Variants in TLN1 observed in about 807,000 individuals in gnomAD.
TLN1 encodes the protein talin-1.
A neutral mutation model predicts 292.3 loss-of-function variants in TLN1; 56 were observed. That is an observed-to-expected ratio of 0.19 (90% CI 0.15 to 0.24). The LOEUF (loss-of-function observed/expected upper bound fraction) is 0.24. Among genes scored for constraint, TLN1 ranks in the 10% least tolerant of loss-of-function variants. The pLI is 1.00. For missense variants in TLN1, 2,433 were observed against 3,248.2 expected (o/e 0.75, Z 6.10); for synonymous variants, 1,119 against 1,253.7 (o/e 0.89, Z 2.27).
Position 35,700,354 on chromosome 9 carries a change from G to C in TLN1, c.6497C>G (p.Pro2166Arg). The C allele has an allele frequency of 6.2e-7, 1 of 1,602,132 alleles. No individual in the cohort carries two copies. Among genetic ancestry groups the C allele is most frequent in the Non-Finnish European group, 8.5e-7 (1 of 1,170,186 alleles). The change falls in exon 49 of 57, where the codon CCT becomes CGT. Residue 2166 changes from proline (P) to arginine (R), a missense_variant. Physicochemically the swap from Pro to Arg is moderately radical, Grantham distance 103. Around this residue, in one of 7 missense-constraint regions of TLN1, gnomAD observed 1,384 missense variants for 1,699.6 expected, o/e 0.81. Coordinates refer to ENST00000314888, the MANE Select transcript of TLN1 (RefSeq NM_006289.4). ...ELAVFCSPEP[P>R]AKTSTPEDFI... ...GTCTTCTGGGGTAGAGGTCTTGGCA[G>C]GTGGCTCTGGGGAACAGAAAACCTG...
chr9:35,717,830 G>T lies in TLN1; in HGVS notation c.1996-44C>A. 1 of 1,571,302 alleles carries T rather than the reference G, an allele frequency of 6.4e-7. No homozygotes were observed. Among genetic ancestry groups the T allele is most frequent in the Non-Finnish European group, 8.7e-7 (1 of 1,151,484 alleles). On this transcript the variant is annotated intron_variant, in intron 17 of 56. Coordinates refer to ENST00000314888, the MANE Select transcript of TLN1 (RefSeq NM_006289.4). The surrounding 1 kb of genome is among the most constrained non-coding windows in gnomAD (Gnocchi z 4.7). Reference sequence around the variant, plus strand: ...TAGCATGACCTGAGATTGGGCTTGGGATTCACAGACACTTCTCAGAGGCGT... The same window carrying T: ...TAGCATGACCTGAGATTGGGCTTGGTATTCACAGACACTTCTCAGAGGCGT...
chr9:35,712,934 C>T lies in TLN1; in HGVS notation c.3462G>A (p.Thr1154=), dbSNP rs148339706. 1.9e-3 allele frequency: 3,090 copies of T among 1,609,312 alleles called. 12 individuals carry two copies. The Middle Eastern group carries it at 0.02, about 10-fold the overall frequency. ...DPAVQAIVLD[T]ASDVLDKASS... is the part of the protein sequence containing the mutation. ...TGGCCTTGTCCAGCACATCACTGGC[C>T]GTATCAAGTACAATGGCCTGCACTG... The change falls in exon 27 of 57, where the codon ACG becomes ACA. Residue 1154 remains threonine (T), a synonymous_variant. Coordinates refer to ENST00000314888, the MANE Select transcript of TLN1 (RefSeq NM_006289.4).
intron 48 of TLN1, among the ~76,000 whole-genome samples, chr9:35,702,969 T>A (rs1825492541): frequency 1.3e-5 from 2 of 152,124 alleles, no homozygotes; most frequent in African/African-American, 4.8e-5. Flanking sequence ...AATACAGTTG[T>A]CACATGCTAA....
At position 35,712,301 on chromosome 9, in the gene TLN1, A is replaced by C. The variant is rs535173849; in HGVS notation, c.3562-177T>G. Among the ~76,000 whole-genome samples, 4 of 152,350 alleles carry C rather than the reference A, an allele frequency of 2.6e-5. No homozygotes were observed. In the South Asian group the frequency reaches 8.3e-4, roughly 32 times the overall value. On this transcript the variant is annotated intron_variant, in intron 27 of 56. Transcript: ENST00000314888. Reference sequence around the variant, plus strand: ...CAAGTGACAGTAATTAAACTTCCCCAAACTTGGTGTTTAGCTCAGCCCATG... The same window carrying C: ...CAAGTGACAGTAATTAAACTTCCCCCAACTTGGTGTTTAGCTCAGCCCATG...
chr9:35,725,771 G>A, intron 1 of TLN1, 44 bp from the exon 2 acceptor site: 4 of 1,549,250 alleles, frequency 2.6e-6, no homozygotes, highest in Non-Finnish European at 3.5e-6. Flanking sequence ...CTTCTGGTGG[G>A]AGAAGAGGCC....
intron 33 of TLN1, 87 bp from the exon 34 acceptor site, chr9:35,708,571 G>GT: frequency 7.4e-7 from 1 of 1,343,106 alleles, no homozygotes; most frequent in South Asian, 1.9e-5. Flanking sequence ...GAGAGCAGAG[G>GT]TAAGTTTAGA....
rs1028051257 is a variant in TLN1 at position 35,699,900 on chromosome 9, G to A, written c.6768+74C>T. Reference sequence around the variant, plus strand: ...GAGATCTGAGCAAAACAGACAGCAGGGTGCGAGGCCTGCAGGAAGAGGGCT... The same window carrying A: ...GAGATCTGAGCAAAACAGACAGCAGAGTGCGAGGCCTGCAGGAAGAGGGCT... On this transcript the variant is annotated intron_variant, in intron 50 of 56. Coordinates refer to ENST00000314888, the MANE Select transcript of TLN1 (RefSeq NM_006289.4). The surrounding 1 kb of genome is among the most constrained non-coding windows in gnomAD (Gnocchi z 4.0). 5 of 1,442,600 alleles carry A rather than the reference G, an allele frequency of 3.5e-6. No individual in the cohort carries two copies. The African/African-American group carries it at 5.6e-5, about 16-fold the overall frequency. 89.4% of individuals were successfully genotyped at this position (1,442,600 alleles called of 1,614,324 possible). A position where few individuals can be genotyped will look rare whatever the true frequency, so the allele number is the denominator to read the frequency against.
rs757724228 is a variant in TLN1 at position 35,708,313 on chromosome 9, G to A, written c.4470+28C>T. The A allele has an allele frequency of 5.1e-6, 8 of 1,566,282 alleles. No homozygotes were observed. The highest frequency in any genetic ancestry group is 6.9e-6 in the Non-Finnish European group (8 of 1,152,444). On this transcript the variant is annotated intron_variant, in intron 34 of 56. Transcript: ENST00000314888. ...GGTCGGTCTGCCCTTTCCCAGACTC[G>A]CCTGTGGTCCCTGTTCCCTTGAGTT...
intron 56 of TLN1, 48 bp from the exon 57 acceptor site, chr9:35,697,964 G>A (rs1397971726): frequency 7.4e-6 from 12 of 1,613,928 alleles, no homozygotes; most frequent in Admixed American, 1.7e-5. Context: ...GCACAGCAGG[G>A]GCATAGGGTA....
Position 35,698,635 on chromosome 9 carries a change from G to C in TLN1, c.7170C>G (p.Ser2390=). 1 of 1,614,138 alleles carries C rather than the reference G, an allele frequency of 6.2e-7. No individual in the cohort carries two copies. The highest frequency in any genetic ancestry group is 2.2e-5 in the East Asian group (1 of 44,878). Residue 2390 remains serine, a synonymous_variant, in exon 54 of 57, where the codon TCC becomes TCG. Coordinates refer to ENST00000314888, the MANE Select transcript of TLN1 (RefSeq NM_006289.4). This position sits in a 1 kb window ranked among gnomAD's most constrained non-coding sequence, Gnocchi z 5.3. ...PANALDDGQW[S]QGLISAARMV... ...CACTTACAGCAGAAATGAGGCCCTG[G>C]GACCACTGCCCATCGTCCAGTGCAT... is the stretch of plus-strand genomic sequence containing the variant.
Position 35,724,072 on chromosome 9 carries a change from T to C in TLN1, c.662A>G (p.Asp221Gly). The stretch of plus-strand genomic sequence containing the variant: ...AGGGTGGGAGCCATTCAGGATGTCA[T>C]CTCGTGCCTGGAGAGCACAGGGCAA... ...QLNLLYVQAR[D>G]DILNGSHPVS... Residue 221 changes from aspartate to glycine, a missense_variant, in exon 7 of 57, where the codon GAT becomes GGT. Physicochemically the swap from Asp to Gly is moderately conservative, Grantham distance 94. Transcript: ENST00000314888. The surrounding 1 kb of genome is among the most constrained non-coding windows in gnomAD (Gnocchi z 4.7). The C allele has an allele frequency of 6.2e-7, 1 of 1,613,752 alleles. No homozygotes were observed. The highest frequency in any genetic ancestry group is 8.5e-7 in the Non-Finnish European group (1 of 1,179,756).
rs1226942832 is a variant in TLN1, at chr9:35,724,457, TG to T, written c.511+114del. On this transcript the variant is annotated intron_variant, in intron 5 of 56. Transcript: ENST00000314888. The surrounding 1 kb of genome is among the most constrained non-coding windows in gnomAD (Gnocchi z 4.7). ...TGTAAGTCCCATGAGTGTAGGACTT[TG>T]TTTTCTCACTGATGTATCCCCAGGG... 127 of 1,559,574 alleles carry T rather than the reference TG, an allele frequency of 8.1e-5. 1 individual carries two copies. Among genetic ancestry groups the T allele is most frequent in the Middle Eastern group, 5.1e-4 (3 of 5,840 alleles).
chr9:35,711,392 G>A lies in TLN1; in HGVS notation c.3882C>T (p.Ser1294=). The A allele has an allele frequency of 6.2e-7, 1 of 1,614,194 alleles. No homozygotes were observed. Among genetic ancestry groups the A allele is most frequent in the Non-Finnish European group, 8.5e-7 (1 of 1,180,038 alleles). ...ACACAACTTGGGCTCGGTCCTCCTG[G>A]CTCTGTTGAAGGTGACAAGGTCAAT... The part of the protein sequence containing the change: ...AGVEMAGQAP[S]QEDRAQVVSN... The change falls in exon 30 of 57, where the codon AGC becomes AGT. Residue 1294 remains serine (S), a splice_region_variant and synonymous_variant. Transcript: ENST00000314888.
chr9:35,710,552 G>C lies in TLN1; in HGVS notation c.4326+9C>G. On this transcript the variant is annotated intron_variant, in intron 33 of 56. Coordinates refer to ENST00000314888, the MANE Select transcript of TLN1 (RefSeq NM_006289.4). The stretch of plus-strand genomic sequence containing the variant: ...GGGCCATTCAAAGAACCCATCTCAG[G>C]AAAATAACCTGTGCAGCTGCCTCGG... The C allele has an allele frequency of 6.2e-7, 1 of 1,610,116 alleles. No homozygotes were observed. The highest frequency in any genetic ancestry group is 8.5e-7 in the Non-Finnish European group (1 of 1,177,870).
Position 35,717,117 on chromosome 9 carries a change from T to C in TLN1, c.2458+29A>G. ...GGGCTTAGGGAACCCTGGTAGGGTT[T>C]TTTGTTTTCCTGGGGGTGCGTGTCT... On this transcript the variant is annotated intron_variant, in intron 19 of 56. Coordinates refer to ENST00000314888, the MANE Select transcript of TLN1 (RefSeq NM_006289.4). This position sits in a 1 kb window ranked among gnomAD's most constrained non-coding sequence, Gnocchi z 4.7. 6.4e-7 allele frequency: 1 copy of C among 1,568,496 alleles called. No homozygotes were observed. Among genetic ancestry groups the C allele is most frequent in the Non-Finnish European group, 8.7e-7 (1 of 1,152,468 alleles).
intron 3 of TLN1, 126 bp downstream of exon 3, chr9:35,725,094 ACTGT>A: frequency 6.5e-7 from 1 of 1,537,364 alleles, no homozygotes; most frequent in South Asian, 1.2e-5. Flanking sequence ...GGGAATTATG[ACTGT>A]CTGTTAATAG....
Position 35,719,248 on chromosome 9 carries a change from G to A in TLN1, c.1722C>T (p.Gly574=), listed in dbSNP as rs1825840605. ...DPAETDYTAV[G]CAVTTISSNL... is the part of the protein sequence containing the mutation. Reference sequence around the variant, plus strand: ...TGGAGGAGATTGTGGTGACTGCACAGCCCACTGCGGTATAGTCTGTCTCAG... The same window carrying A: ...TGGAGGAGATTGTGGTGACTGCACAACCCACTGCGGTATAGTCTGTCTCAG... The change falls in exon 16 of 57, where the codon GGC becomes GGT. Residue 574 remains glycine (G), a synonymous_variant. Coordinates refer to ENST00000314888, the MANE Select transcript of TLN1 (RefSeq NM_006289.4). This position sits in a 1 kb window ranked among gnomAD's most constrained non-coding sequence, Gnocchi z 4.6. 1 of 1,614,136 alleles carries A rather than the reference G, an allele frequency of 6.2e-7. No homozygotes were observed. The highest frequency in any genetic ancestry group is 8.5e-7 in the Non-Finnish European group (1 of 1,179,982).
chr9:35,698,311 C>G lies in TLN1; in HGVS notation c.7371+12G>C, dbSNP rs1330100613. 1 of 1,613,492 alleles carries G rather than the reference C, an allele frequency of 6.2e-7. No homozygotes were observed. Among genetic ancestry groups the G allele is most frequent in the African/African-American group, 1.3e-5 (1 of 74,918 alleles). On this transcript the variant is annotated intron_variant, in intron 55 of 56. Coordinates refer to ENST00000314888, the MANE Select transcript of TLN1 (RefSeq NM_006289.4). The surrounding 1 kb of genome is among the most constrained non-coding windows in gnomAD (Gnocchi z 5.3). ...TAGCCCAAGGGACAATGGGATGGGT[C>G]AGGGTTCTCACCTGAAGTCGTTTCA... is the stretch of plus-strand genomic sequence containing the variant.
At position 35,714,688 on chromosome 9, in the gene TLN1, C is replaced by T; in HGVS notation, c.2872-1G>A. Reference sequence around the variant, plus strand: ...GCAGTGGAATCTGCTCTGCCACTGCCTGTAGGTGAAAATGTCATAAGAGAC... The same window carrying T: ...GCAGTGGAATCTGCTCTGCCACTGCTTGTAGGTGAAAATGTCATAAGAGAC... On this transcript the variant is annotated splice_acceptor_variant, in intron 22 of 56. Transcript: ENST00000314888. LOFTEE classifies it high-confidence loss of function. The surrounding 1 kb of genome is among the most constrained non-coding windows in gnomAD (Gnocchi z 4.6). 1 of 1,614,060 alleles carries T rather than the reference C, an allele frequency of 6.2e-7. No homozygotes were observed. Among genetic ancestry groups the T allele is most frequent in the Non-Finnish European group, 8.5e-7 (1 of 1,179,940 alleles).
Sources: allele counts gnomAD v4.1 joint callset (sites outside exome capture counted in the v4.1 genomes callset), GRCh38; gene constraint gnomAD v4.1.1; regional missense constraint gnomAD v4.1.1; non-coding constraint Gnocchi (gnomAD v3.1); transcripts MANE v1.5; gene names NCBI Gene and HGNC (gene_info 2026-07-23, HGNC 2026-07-21).